TAFA2: variants seen among roughly 807,000 people sequenced by gnomAD.
TAFA2 encodes the protein chemokine-like protein TAFA-2.
Under a neutral mutation model 18.8 loss-of-function variants are expected in TAFA2, and 7 were observed. The ratio of observed to expected loss-of-function variants is 0.37; its 90% CI spans 0.21 to 0.70. The LOEUF is 0.70. Among genes scored for constraint, TAFA2 ranks in the 30% least tolerant of loss-of-function variants. TAFA2 has a pLI of 0.53. For missense variants in TAFA2, 122 were observed against 158.1 expected (o/e 0.77, Z 1.23); for synonymous variants, 60 against 54.2 (o/e 1.11, Z -0.47).
upstream of TAFA2, chr12:62,258,851 A>T (rs765241491): frequency 6.0e-5 from 14 of 233,714 alleles, no homozygotes; most frequent in Non-Finnish European, 1.2e-4. Context: ...GACTGGAAAA[A>T]GGGGGAAAAT....
At chr12:62,186,749 TGATTCCTTAGTTATA>T (rs2062588424) in intron 1 of TAFA2, among the ~76,000 whole-genome samples, 2 of 152,256 alleles carry the variant, frequency 1.3e-5, no homozygotes, top group African/African-American at 4.8e-5. Flanking sequence ...ATATAAGCTC[TGATTCCTTAGTTATA>T]TATCTCATAC....
chr12:62,186,453 T>A (rs2136956765), intron 1 of TAFA2, among the ~76,000 whole-genome samples: 1 of 152,296 alleles, frequency 6.6e-6, no homozygotes, highest in Admixed American at 6.5e-5. Context: ...CTTCATTTTG[T>A]CAAATTACTA....
chr12:61,994,197 A>T (rs1041890851), intron 1 of TAFA2, among the ~76,000 whole-genome samples: 1 of 152,134 alleles, frequency 6.6e-6, no homozygotes, highest in East Asian at 1.9e-4. Context: ...TTCAGAGTCC[A>T]TATCTCCACT....
chr12:62,146,729 A>G (rs2062284155), intron 1 of TAFA2, among the ~76,000 whole-genome samples: 1 of 152,192 alleles, frequency 6.6e-6, no homozygotes, highest in Non-Finnish European at 1.5e-5. Context: ...AACACAATCC[A>G]GGGCTTTTAG....
intron 1 of TAFA2, among the ~76,000 whole-genome samples, chr12:61,888,352 C>A (rs886809019): frequency 6.6e-6 from 1 of 152,182 alleles, no homozygotes; most frequent in African/African-American, 2.4e-5. Context: ...CCAGGAGGAT[C>A]CATGTTTCTG....
At chr12:61,931,578 T>C (rs150495610) in intron 1 of TAFA2, among the ~76,000 whole-genome samples, 317 of 152,296 alleles carry the variant, frequency 2.1e-3, no homozygotes, top group African/African-American at 5.4e-3. Flanking sequence ...CTCTATATAA[T>C]ACAAAAAATC....
Position 62,154,311 on chromosome 12 carries a change from A to C in TAFA2, c.-2+36948T>G, listed in dbSNP as rs149351606. On this transcript the variant is annotated intron_variant, in intron 1 of 4. Coordinates refer to ENST00000416284, the MANE Select transcript of TAFA2 (RefSeq NM_178539.5). ...TATATGAAGGAAGGATGGGGGAAGCAGGAGAATAGGGGAGAAGCTTTTTTG... is the reference window on the plus strand; with the variant it reads ...TATATGAAGGAAGGATGGGGGAAGCCGGAGAATAGGGGAGAAGCTTTTTTG... Among the ~76,000 whole-genome samples the C allele has an allele frequency of 2.4e-4, 36 of 152,290 alleles. No homozygotes were observed. The East Asian group carries it at 6.4e-3, about 27-fold the overall frequency.
intron 2 of TAFA2, among the ~76,000 whole-genome samples, chr12:61,783,677 A>T (rs1293362636): frequency 6.6e-6 from 1 of 151,660 alleles, no homozygotes; most frequent in East Asian, 1.9e-4. Context: ...CCTGCCCTTT[A>T]TACAGGTGAG....
chr12:62,054,331 G>A (rs951900493), intron 1 of TAFA2, among the ~76,000 whole-genome samples: 6 of 152,158 alleles, frequency 3.9e-5, no homozygotes, highest in African/African-American at 1.4e-4. Context: ...CACCATTAAT[G>A]TCCTAGATTC....
rs542737351 is a variant in TAFA2 at position 62,144,995 on chromosome 12, C to G, written c.-2+46264G>C. ...TGTATAAAATGGATTTTACTTTTCT[C>G]CAAAGCCTTCTAAGTGGATGTTCCC... On this transcript the variant is annotated intron_variant, in intron 1 of 4. Coordinates refer to ENST00000416284, the MANE Select transcript of TAFA2 (RefSeq NM_178539.5). Among the ~76,000 whole-genome samples the G allele has an allele frequency of 2.0e-5, 3 of 152,320 alleles. No individual in the cohort carries two copies. In the East Asian group the frequency reaches 5.8e-4, roughly 29 times the overall value.
At chr12:61,752,417 T>G (rs1179388972) in intron 4 of TAFA2, among the ~76,000 whole-genome samples, 2 of 152,004 alleles carry the variant, frequency 1.3e-5, no homozygotes, top group Admixed American at 1.3e-4. Flanking sequence ...GGAAAATATT[T>G]TCATGGTATA....
chr12:61,884,837 A>G (rs1875302472), intron 1 of TAFA2, among the ~76,000 whole-genome samples: 1 of 152,212 alleles, frequency 6.6e-6, no homozygotes, highest in South Asian at 2.1e-4. Flanking sequence ...AAAAGAAGCT[A>G]AAAGATAATT....
intron 1 of TAFA2, among the ~76,000 whole-genome samples, chr12:61,960,782 A>AG (rs1878857099): frequency 6.6e-6 from 1 of 151,612 alleles, no homozygotes. Flanking sequence ...CACCAAAAAA[A>AG]AAAAAAATCT....
chr12:61,808,929 A>G (rs1388299573), intron 2 of TAFA2, among the ~76,000 whole-genome samples: 1 of 151,616 alleles, frequency 6.6e-6, no homozygotes, highest in East Asian at 1.9e-4. Context: ...TATTACATCT[A>G]TTACATAAAG....
chr12:61,887,986 C>T (rs967322787), intron 1 of TAFA2, among the ~76,000 whole-genome samples: 5 of 151,988 alleles, frequency 3.3e-5, no homozygotes, highest in South Asian at 4.2e-4. Context: ...AAAATGCTCA[C>T]CATCACTGGC....
intron 4 of TAFA2, among the ~76,000 whole-genome samples, chr12:61,726,324 C>T (rs777108833): frequency 1.1e-4 from 17 of 151,672 alleles, no homozygotes; most frequent in South Asian, 2.1e-4. Context: ...TTGCTTTTGG[C>T]GGTATGCTTA....
intron 1 of TAFA2, chr12:61,879,319 T>C: frequency 3.9e-6 from 2 of 517,832 alleles, no homozygotes; most frequent in Non-Finnish European, 6.8e-6. Context: ...GCCTCCACCA[T>C]GTCCATCAAG....
At chr12:62,155,414 C>T (rs2062361640) in intron 1 of TAFA2, among the ~76,000 whole-genome samples, 1 of 151,906 alleles carries the variant, frequency 6.6e-6, no homozygotes, top group South Asian at 2.1e-4. Context: ...CATCAAAACA[C>T]CATCATTCTT....
chr12:61,811,086 A>G (rs1871848655), intron 2 of TAFA2, among the ~76,000 whole-genome samples: 1 of 151,336 alleles, frequency 6.6e-6, no homozygotes, highest in Admixed American at 6.6e-5. Context: ...TATAACTTAT[A>G]TCTAAATAAA....
Sources: allele counts gnomAD v4.1 joint callset (sites outside exome capture counted in the v4.1 genomes callset), GRCh38; gene constraint gnomAD v4.1.1; transcripts MANE v1.5; gene names NCBI Gene and HGNC (gene_info 2026-07-23, HGNC 2026-07-21).